The following OTUD4 variants were observed in gnomAD, a reference collection of about 807,000 sequenced individuals.
OTUD4 encodes the protein OTU domain-containing protein 4.
A neutral mutation model predicts 130.4 loss-of-function variants in OTUD4; 24 were observed. The observed-to-expected ratio is 0.18, with a 90% CI of 0.13 to 0.26. OTUD4 has a LOEUF of 0.26. Ranked by LOEUF, OTUD4 falls within the 10% of genes least tolerant of loss-of-function variation. The pLI is 1.00. For synonymous variants in OTUD4, 420 were observed against 472.5 expected, an observed-to-expected ratio of 0.89 and a Z score of 1.44; for missense variants, 1,031 against 1,329.4, an observed-to-expected ratio of 0.78 and a Z score of 3.49.
chr4:145,173,903 T>C (rs1752295534), intron 2 of OTUD4, among the ~76,000 whole-genome samples: 1 of 152,202 alleles, frequency 6.6e-6, no homozygotes, highest in African/African-American at 2.4e-5. Context: ...GACATGTGAG[T>C]TCACACTGAA....
At chr4:145,179,503 A>T in intron 1 of OTUD4, 1 of 713,190 alleles carries the variant, frequency 1.4e-6, no homozygotes, top group Non-Finnish European at 1.9e-6. Flanking sequence ...AAAAAATATC[A>T]TGTCGCCAGG....
Position 145,137,842 on chromosome 4 carries a change from T to C in OTUD4, c.2933A>G (p.Glu978Gly). The change falls in exon 21 of 21, where the codon GAA becomes GGA. Residue 978 changes from glutamate (E) to glycine (G), a missense_variant. By Grantham distance (98) the Glu-to-Gly change is moderately conservative. Coordinates refer to ENST00000447906, the MANE Select transcript of OTUD4 (RefSeq NM_001366057.1). The part of the protein sequence containing the change: ...LNRERETVPV[E>G]LEPKRTIQSL... ...TTGAATGGTCCTTTTAGGTTCAAGT[T>C]CAACAGGCACAGTTTCTCTCTCTCT... 6.2e-7 allele frequency: 1 copy of C among 1,614,132 alleles called. No individual in the cohort carries two copies.
chr4:145,172,138 G>A (rs908558217), intron 2 of OTUD4, among the ~76,000 whole-genome samples: 3 of 152,190 alleles, frequency 2.0e-5, no homozygotes, highest in Non-Finnish European at 4.4e-5. Flanking sequence ...AACCCAAAGG[G>A]GGGCCTGTTT....
rs761745236 is a variant in OTUD4, at chr4:145,143,992, T to C, written c.1556A>G (p.His519Arg). ...TCTTTTATCCAACTGACTATGTCCA[T>C]GAATAGAGTCTATAGCAGATCAAGA... is the stretch of plus-strand genomic sequence containing the variant. The part of the protein sequence containing the change: ...TEERKDKDSI[H>R]GHSQLDKRPE... Residue 519 changes from histidine (H) to arginine (R), a missense_variant, in exon 16 of 21, where the codon CAT becomes CGT. Around this residue, in one of 3 missense-constraint regions of OTUD4, gnomAD observed 900 missense variants for 1,095.9 expected, o/e 0.82. Coordinates refer to ENST00000447906, the MANE Select transcript of OTUD4 (RefSeq NM_001366057.1). The C allele has an allele frequency of 6.8e-5, 109 of 1,612,190 alleles. No individual in the cohort carries two copies. The highest frequency in any genetic ancestry group is 8.3e-5 in the Non-Finnish European group (98 of 1,178,504).
At chr4:145,165,622 C>T (rs1432757354) in intron 3 of OTUD4, among the ~76,000 whole-genome samples, 2 of 152,084 alleles carry the variant, frequency 1.3e-5, no homozygotes, top group African/African-American at 4.8e-5. Flanking sequence ...GGATTACAGG[C>T]ATGTGCCACC....
chr4:145,154,467 T>C (rs557228531), intron 10 of OTUD4, among the ~76,000 whole-genome samples: 34 of 152,352 alleles, frequency 2.2e-4, no homozygotes, highest in African/African-American at 8.2e-4. Context: ...AGTGGCTGTT[T>C]TAAAGTAGTT....
chr4:145,153,462 G>A (rs1338565336), intron 10 of OTUD4, among the ~76,000 whole-genome samples: 1 of 152,142 alleles, frequency 6.6e-6, no homozygotes, highest in Non-Finnish European at 1.5e-5. Context: ...GGGTGCACAG[G>A]ATACACATAA....
Position 145,136,873 on chromosome 4 carries a change from A to G in OTUD4, c.*557T>C, listed in dbSNP as rs1442217455. 1 of 152,754 alleles carries G rather than the reference A, an allele frequency of 6.5e-6. No homozygotes were observed. The highest frequency in any genetic ancestry group is 2.4e-5 in the African/African-American group (1 of 41,456). The allele number at this position is 152,754 out of a possible 1,614,324, so 9.5% of individuals were successfully genotyped here. A position where few individuals can be genotyped will look rare whatever the true frequency, so the allele number is the denominator to read the frequency against. ...TTATTCAAGTTTGACAGATATTGAGATGAAAGGCCTTTGGGTTGGAAGCAT... is the reference window on the plus strand; with the variant it reads ...TTATTCAAGTTTGACAGATATTGAGGTGAAAGGCCTTTGGGTTGGAAGCAT... On this transcript the variant is annotated 3_prime_UTR_variant, in exon 21 of 21. Coordinates refer to ENST00000447906, the MANE Select transcript of OTUD4 (RefSeq NM_001366057.1).
intron 11 of OTUD4, among the ~76,000 whole-genome samples, chr4:145,151,479 GA>G (rs1751066538): frequency 6.6e-6 from 1 of 151,964 alleles, no homozygotes; most frequent in Admixed American, 6.6e-5. Context: ...ACTAAAAACA[GA>G]AAAAATTAGC....
intron 3 of OTUD4, among the ~76,000 whole-genome samples, chr4:145,166,851 T>C (rs1382707180): frequency 1.3e-5 from 2 of 152,120 alleles, no homozygotes; most frequent in African/African-American, 4.8e-5. Flanking sequence ...TAAAAAATAA[T>C]TCATGTTTCA....
chr4:145,144,949 T>C (rs1750749318), intron 14 of OTUD4, among the ~76,000 whole-genome samples: 1 of 152,148 alleles, frequency 6.6e-6, no homozygotes, highest in Non-Finnish European at 1.5e-5. Context: ...AGCTAAATTA[T>C]CACTGAGGGT....
chr4:145,138,728 C>T lies in OTUD4; in HGVS notation c.2125-78G>A, dbSNP rs543729632. ...TTGGGTGGATATCAATCTACAAGTA[C>T]TAGGGTCAAAATAAGTTTCTCATGC... On this transcript the variant is annotated intron_variant, in intron 20 of 20. Transcript: ENST00000447906. 303 of 1,333,322 alleles carry T rather than the reference C, an allele frequency of 2.3e-4. No homozygotes were observed. The African/African-American group carries it at 3.9e-3, about 17-fold the overall frequency. The allele number at this position is 1,333,322 out of a possible 1,614,324, so 82.6% of individuals were successfully genotyped here.
At chr4:145,143,847 A>C (rs1292251107) in intron 16 of OTUD4, 99 bp downstream of exon 16, 1 of 873,672 alleles carries the variant, frequency 1.1e-6, no homozygotes, top group Admixed American at 2.2e-5. Context: ...ACACAGCTAT[A>C]AAATTTCGAA....
rs1389722839 is a variant in OTUD4 at position 145,137,079 on chromosome 4, T to C, written c.*351A>G. On this transcript the variant is annotated 3_prime_UTR_variant, in exon 21 of 21. Transcript: ENST00000447906. ...CTATAAAGCACACATTTCCAACATC[T>C]GAAATCAAACTTATAAACTTATAAG... 2 of 183,742 alleles carry C rather than the reference T, an allele frequency of 1.1e-5. No homozygotes were observed. The highest frequency in any genetic ancestry group is 4.7e-5 in the African/African-American group (2 of 42,248). 11.4% of individuals were successfully genotyped at this position (183,742 alleles called of 1,614,324 possible).
At position 145,155,681 on chromosome 4, in the gene OTUD4, C is replaced by G. The variant is rs753844957; in HGVS notation, c.696G>C (p.Leu232=). Residue 232 remains leucine, a synonymous_variant, in exon 9 of 21, where the codon CTG becomes CTC. Coordinates refer to ENST00000447906, the MANE Select transcript of OTUD4 (RefSeq NM_001366057.1). ...GGCTAGTAGAGTTCCCATTGTTCTT[C>G]AGCTGCTAAACAAAGTCAGGAAGTC... The part of the protein sequence containing the change: ...GFKPLSGNEQ[L]KNNGNSTSLP... 1.3e-6 allele frequency: 2 copies of G among 1,590,648 alleles called. No individual in the cohort carries two copies. Among genetic ancestry groups the G allele is most frequent in the Non-Finnish European group, 1.7e-6 (2 of 1,167,918 alleles).
At chr4:145,150,008 G>T (rs888755847) in intron 13 of OTUD4, among the ~76,000 whole-genome samples, 2 of 152,148 alleles carry the variant, frequency 1.3e-5, no homozygotes, top group Admixed American at 1.3e-4. Context: ...TCTGCCTCTG[G>T]ATACTTAGTC....
chr4:145,162,837 A>ATTT, intron 5 of OTUD4, 116 bp from the exon 6 acceptor site: 1 of 520,818 alleles, frequency 1.9e-6, no homozygotes. Flanking sequence ...GACAGTGAGT[A>ATTT]TTTTAGGAGT....
At chr4:145,169,624 A>G (rs1752053211) in intron 3 of OTUD4, among the ~76,000 whole-genome samples, 1 of 152,188 alleles carries the variant, frequency 6.6e-6, no homozygotes, top group African/African-American at 2.4e-5. Context: ...AGCTGGGACT[A>G]CAGGTGCACA....
intron 13 of OTUD4, 143 bp downstream of exon 13, chr4:145,150,370 T>C (rs576542496): frequency 7.5e-6 from 4 of 534,814 alleles, no homozygotes; most frequent in Admixed American, 5.9e-5. Flanking sequence ...TCACATGAAG[T>C]TTTATACAAA....
Sources: allele counts gnomAD v4.1 joint callset (sites outside exome capture counted in the v4.1 genomes callset), GRCh38; gene constraint gnomAD v4.1.1; regional missense constraint gnomAD v4.1.1; transcripts MANE v1.5; gene names NCBI Gene and HGNC (gene_info 2026-07-23, HGNC 2026-07-21).